Variants in JUP observed in about 807,000 individuals in gnomAD.
The protein encoded by JUP is catenin (cadherin-associated protein), gamma 80kDa.
Under a neutral mutation model 71.1 loss-of-function variants are expected in JUP, and 28 were observed. The ratio of observed to expected loss-of-function variants is 0.39; its 90% CI spans 0.29 to 0.54. The LOEUF (loss-of-function observed/expected upper bound fraction) is 0.54. Among genes scored for constraint, JUP ranks in the 20% least tolerant of loss-of-function variants. JUP has a pLI of 0.62. For missense variants in JUP, 869 were observed against 1,030.1 expected, an observed-to-expected ratio of 0.84 and a Z score of 2.14; for synonymous variants, 401 against 438.9, an observed-to-expected ratio of 0.91 and a Z score of 1.08.
Position 41,760,852 on chromosome 17 carries a change from C to T in JUP, c.1498-1982G>A, listed in dbSNP as rs113665106. On this transcript the variant is annotated intron_variant, in intron 8 of 13. Coordinates refer to ENST00000393931, the MANE Select transcript of JUP (RefSeq NM_002230.4). ...CTGGGATTACAGGCGTGAGCCACTG[C>T]GCCTGGCCTGTCTGTACTATTAAAT... 2.6e-3 allele frequency among the ~76,000 whole-genome samples: 392 copies of T among 152,272 alleles called. 1 individual carries two copies. Among genetic ancestry groups the T allele is most frequent in the African/African-American group, 9.0e-3 (374 of 41,566 alleles).
chr17:41,775,059 C>T (rs542575516), intron 1 of JUP, among the ~76,000 whole-genome samples: 2 of 151,332 alleles, frequency 1.3e-5, no homozygotes, highest in East Asian at 3.9e-4. Flanking sequence ...GCCGAGACTG[C>T]GCCACTGCAC....
intron 2 of JUP, 132 bp from the exon 3 acceptor site, chr17:41,769,809 G>T: frequency 1.0e-6 from 1 of 989,646 alleles, no homozygotes; most frequent in Non-Finnish European, 1.5e-6. Context: ...CCCAGCACAT[G>T]ACTGGCCATT....
chr17:41,779,566 G>A (rs1396552800), intron 1 of JUP, among the ~76,000 whole-genome samples: 1 of 152,056 alleles, frequency 6.6e-6, no homozygotes, highest in African/African-American at 2.4e-5. Context: ...CTGACCTCGT[G>A]ATGCGCCCGC....
chr17:41,769,701 T>A (rs1916323988), intron 2 of JUP, 24 bp from the exon 3 acceptor site: 1 of 1,604,066 alleles, frequency 6.2e-7, no homozygotes, highest in Non-Finnish European at 8.5e-7. Flanking sequence ...GGACAGGGAC[T>A]GAGTGCAGGC....
At chr17:41,759,574 G>C (rs1317186062) in intron 8 of JUP, among the ~76,000 whole-genome samples, 1 of 151,764 alleles carries the variant, frequency 6.6e-6, no homozygotes, top group Non-Finnish European at 1.5e-5. Flanking sequence ...GAAGCCTCCT[G>C]CTTGGGTGGT....
intron 4 of JUP, 74 bp from the exon 5 acceptor site, chr17:41,767,654 C>T: frequency 8.0e-7 from 1 of 1,247,308 alleles, no homozygotes; most frequent in Non-Finnish European, 1.1e-6. Flanking sequence ...GCATGGGTTC[C>T]CACCTCCCCC....
chr17:41,764,160 T>A (rs1359260915), intron 7 of JUP, among the ~76,000 whole-genome samples: 1 of 152,200 alleles, frequency 6.6e-6, no homozygotes, highest in Non-Finnish European at 1.5e-5. Flanking sequence ...GCCCTGGAGC[T>A]GCATTTTTCC....
chr17:41,783,445 G>A (rs1341699284), intron 1 of JUP, among the ~76,000 whole-genome samples: 3 of 151,476 alleles, frequency 2.0e-5, no homozygotes, highest in Admixed American at 6.6e-5. Context: ...GCACCACCAC[G>A]CCCGGCTAAT....
chr17:41,774,212 C>T (rs1421701807), intron 1 of JUP, among the ~76,000 whole-genome samples: 1 of 146,544 alleles, frequency 6.8e-6, no homozygotes, highest in Admixed American at 6.8e-5. Flanking sequence ...CAGGGAGAGA[C>T]AGAAGCCACA....
intron 1 of JUP, 141 bp from the exon 2 acceptor site, chr17:41,772,003 G>A: frequency 1.2e-6 from 1 of 832,514 alleles, no homozygotes. Context: ...GCTGGGGATG[G>A]GGGGACTGCC....
At chr17:41,779,429 G>A (rs1481309345) in intron 1 of JUP, among the ~76,000 whole-genome samples, 4 of 140,454 alleles carry the variant, frequency 2.8e-5, no homozygotes, top group Admixed American at 2.2e-4. Context: ...CCGGGTTCAC[G>A]CCATTCTCCT....
intron 1 of JUP, among the ~76,000 whole-genome samples, chr17:41,784,319 G>T (rs1303594279): frequency 1.3e-5 from 2 of 151,852 alleles, no homozygotes; most frequent in Non-Finnish European, 2.9e-5. Flanking sequence ...GAGGGGTGGA[G>T]TGGGGGTGGG....
At chr17:41,763,356 G>T in intron 7 of JUP, 35 bp from the exon 8 acceptor site, 2 of 1,516,510 alleles carry the variant, frequency 1.3e-6, no homozygotes, top group Non-Finnish European at 9.2e-7. Flanking sequence ...GAGTCAGGGA[G>T]CAGCCAACTC....
At chr17:41,785,121 G>A (rs1415130624) in intron 1 of JUP, 1 of 152,136 alleles carries the variant, frequency 6.6e-6, no homozygotes, top group Non-Finnish European at 1.5e-5. Flanking sequence ...AGGAAAGCGG[G>A]TGGGAAAGGT....
At chr17:41,775,579 A>G (rs73305726) in intron 1 of JUP, among the ~76,000 whole-genome samples, 1,727 of 152,314 alleles carry the variant, frequency 0.011, 33 homozygotes, top group African/African-American at 0.04. Context: ...TGGAAGCGAG[A>G]GAGACAGACG....
chr17:41,777,278 CAGCCAGGCGTGAACATTCCCCACAT>C (rs1253076124), intron 1 of JUP, among the ~76,000 whole-genome samples: 25 of 152,292 alleles, frequency 1.6e-4, no homozygotes, highest in African/African-American at 5.3e-4. Context: ...GGCAGCTGCA[CAGCCAGGCGTGAACATTCCCCACAT>C]AGCAGTCCCA....
chr17:41,769,147 G>C lies in JUP; in HGVS notation c.529C>G (p.Arg177Gly), dbSNP rs148484473. Residue 177 changes from arginine (R) to glycine (G), a missense_variant, in exon 4 of 14, where the codon CGG (arginine) becomes GGG (glycine). Transcript: ENST00000393931. ...AGCTGGGGCGAGCCCATCAGGGCCC[G>C]CCGCGACGCCTCCTTCTTCGACAGC... ...NQLSKKEASR[R>G]ALMGSPQLVA... is the part of the protein sequence containing the mutation. 4.4e-6 allele frequency: 7 copies of C among 1,607,056 alleles called. No homozygotes were observed. The highest frequency in any genetic ancestry group is 1.7e-5 in the Admixed American group (1 of 60,008).
At chr17:41,758,283 A>C (rs973266926) in intron 10 of JUP, 116 bp downstream of exon 10, 4 of 1,416,122 alleles carry the variant, frequency 2.8e-6, no homozygotes, top group Middle Eastern at 2.5e-4. Context: ...ACTTTCCTCC[A>C]AACTCCTCCA....
chr17:41,780,235 C>A (rs1207509122), intron 1 of JUP, among the ~76,000 whole-genome samples: 2 of 151,232 alleles, frequency 1.3e-5, no homozygotes, highest in African/African-American at 4.9e-5. Context: ...TGTCTCTACA[C>A]AAAACTTTAA....
Sources: allele counts gnomAD v4.1 joint callset (sites outside exome capture counted in the v4.1 genomes callset), GRCh38; gene constraint gnomAD v4.1.1; transcripts MANE v1.5; gene names NCBI Gene and HGNC (gene_info 2026-07-23, HGNC 2026-07-21).